BNC2: variants seen among roughly 807,000 people sequenced by gnomAD.
BNC2 encodes the protein zinc finger protein basonuclin-2.
In BNC2, 20 loss-of-function variants were observed where a neutral mutation model predicts 76.3. The ratio of observed to expected loss-of-function variants is 0.26; its 90% CI spans 0.18 to 0.38. BNC2 has a LOEUF of 0.38. Ranked by LOEUF, BNC2 falls within the 10% of genes least tolerant of loss-of-function variation. BNC2 has a pLI of 1.00. For synonymous variants in BNC2, 582 were observed against 514.8 expected, an observed-to-expected ratio of 1.13 and a Z score of -1.77; for missense variants, 1,382 against 1,399.8, an observed-to-expected ratio of 0.99 and a Z score of 0.20.
At chr9:16,558,332 C>T (rs952425132) in intron 4 of BNC2, among the ~76,000 whole-genome samples, 9 of 152,162 alleles carry the variant, frequency 5.9e-5, no homozygotes, top group African/African-American at 1.9e-4. Flanking sequence ...TAAATTTGTA[C>T]CTAATGAATA....
chr9:16,792,740 G>A (rs1817548027), intron 1 of BNC2, among the ~76,000 whole-genome samples: 1 of 152,190 alleles, frequency 6.6e-6, no homozygotes, highest in African/African-American at 2.4e-5. Flanking sequence ...AAGCTAGAGT[G>A]CTATAAAAAC....
intron 3 of BNC2, among the ~76,000 whole-genome samples, chr9:16,668,344 C>A (rs905013471): frequency 6.6e-6 from 1 of 152,140 alleles, no homozygotes; most frequent in Non-Finnish European, 1.5e-5. Context: ...ATTAAGTATC[C>A]TATGAAAAGA....
chr9:16,844,456 G>GGAGCAAGAGTA, intron 1 of BNC2, among the ~76,000 whole-genome samples: 1 of 150,598 alleles, frequency 6.6e-6, no homozygotes. Flanking sequence ...CTAGGGATGG[G>GGAGCAAGAGTA]GAGCAAGAGT....
At chr9:16,606,757 C>T (rs1196218630) in intron 3 of BNC2, among the ~76,000 whole-genome samples, 1 of 152,162 alleles carries the variant, frequency 6.6e-6, no homozygotes, top group East Asian at 1.9e-4. Context: ...GAGGTTTCGC[C>T]ACGTTGGCCA....
At chr9:16,790,183 G>C (rs934463007) in intron 1 of BNC2, among the ~76,000 whole-genome samples, 1 of 152,088 alleles carries the variant, frequency 6.6e-6, no homozygotes, top group Non-Finnish European at 1.5e-5. Flanking sequence ...ATTTTTAGTA[G>C]AGACAGGGTT....
At chr9:16,670,672 A>G (rs964875203) in intron 3 of BNC2, among the ~76,000 whole-genome samples, 1 of 152,204 alleles carries the variant, frequency 6.6e-6, no homozygotes, top group African/African-American at 2.4e-5. Flanking sequence ...TCCAAGAGGT[A>G]AGATAAAATT....
At chr9:16,599,496 G>C (rs965349318) in intron 3 of BNC2, among the ~76,000 whole-genome samples, 4 of 152,276 alleles carry the variant, frequency 2.6e-5, no homozygotes, top group South Asian at 2.1e-4. Context: ...GTAAAAAGCA[G>C]TTTGAGGCCA....
chr9:16,688,673 T>A (rs2134384767), intron 3 of BNC2, among the ~76,000 whole-genome samples: 1 of 152,290 alleles, frequency 6.6e-6, no homozygotes, highest in African/African-American at 2.4e-5. Flanking sequence ...GCTTTAAAAG[T>A]AATAAAATCA....
intron 3 of BNC2, among the ~76,000 whole-genome samples, chr9:16,616,088 A>G (rs1820688359): frequency 6.6e-6 from 1 of 152,218 alleles, no homozygotes. Flanking sequence ...TTCCATAACC[A>G]TATTGAAAAT....
chr9:16,510,774 T>C (rs1822736206), intron 5 of BNC2, among the ~76,000 whole-genome samples: 1 of 152,202 alleles, frequency 6.6e-6, no homozygotes, highest in Admixed American at 6.5e-5. Context: ...GATGAAATTC[T>C]CAGGTGATTC....
At chr9:16,666,147 G>T (rs1371631051) in intron 3 of BNC2, among the ~76,000 whole-genome samples, 1 of 152,166 alleles carries the variant, frequency 6.6e-6, no homozygotes, top group Non-Finnish European at 1.5e-5. Context: ...AGGAGATCAT[G>T]TGGGTTTTTT....
Position 16,419,271 on chromosome 9 carries a change from G to A in BNC2, c.3018C>T (p.Ala1006=), listed in dbSNP as rs754154261. 1.5e-5 allele frequency: 25 copies of A among 1,614,016 alleles called. No homozygotes were observed. In the African/African-American group the frequency reaches 2.0e-4, roughly 13 times the overall value. ...ASDSGESAHK[A]EAPALPGSLG... is the part of the protein sequence containing the mutation. ...GGCTGCCAGGGAGGGCAGGGGCCTC[G>A]GCCTTGTGTGCCGACTCCCCACTGT... The change falls in exon 7 of 7, where the codon GCC becomes GCT. Residue 1006 remains alanine (A), a synonymous_variant. Coordinates refer to ENST00000380672, the MANE Select transcript of BNC2 (RefSeq NM_017637.6).
intron 5 of BNC2, among the ~76,000 whole-genome samples, chr9:16,457,543 T>G (rs1025039899): frequency 2.0e-5 from 3 of 152,150 alleles, no homozygotes; most frequent in Non-Finnish European, 4.4e-5. Flanking sequence ...ATGTAATTTC[T>G]CCAGCATTAA....
chr9:16,852,233 A>G (rs1793487244), intron 1 of BNC2, among the ~76,000 whole-genome samples: 2 of 152,182 alleles, frequency 1.3e-5, no homozygotes, highest in South Asian at 4.1e-4. Context: ...CACACTATAA[A>G]ACACAAAAAT....
chr9:16,449,445 G>C (rs1003077655), intron 5 of BNC2, among the ~76,000 whole-genome samples: 1 of 152,080 alleles, frequency 6.6e-6, no homozygotes, highest in African/African-American at 2.4e-5. Flanking sequence ...GTAAACTACT[G>C]TTTGTGAGGT....
chr9:16,699,913 G>C (rs879594325), intron 3 of BNC2, among the ~76,000 whole-genome samples: 3 of 152,030 alleles, frequency 2.0e-5, no homozygotes, highest in East Asian at 3.8e-4. Context: ...TGTAATTTCT[G>C]GTTTATAAAG....
At chr9:16,563,655 G>A (rs1260859426) in intron 4 of BNC2, among the ~76,000 whole-genome samples, 1 of 152,124 alleles carries the variant, frequency 6.6e-6, no homozygotes, top group Non-Finnish European at 1.5e-5. Context: ...TGACAATGTG[G>A]TAACAAACCT....
chr9:16,688,293 T>G (rs1375381233), intron 3 of BNC2, among the ~76,000 whole-genome samples: 1 of 152,204 alleles, frequency 6.6e-6, no homozygotes, highest in Non-Finnish European at 1.5e-5. Flanking sequence ...GATAACCTAA[T>G]TAGTTGTAAT....
chr9:16,659,445 T>C (rs912240432), intron 3 of BNC2, among the ~76,000 whole-genome samples: 1 of 151,840 alleles, frequency 6.6e-6, no homozygotes, highest in African/African-American at 2.4e-5. Flanking sequence ...CCATCTCTAC[T>C]AAAAACACAA....
Sources: allele counts gnomAD v4.1 joint callset (sites outside exome capture counted in the v4.1 genomes callset), GRCh38; gene constraint gnomAD v4.1.1; transcripts MANE v1.5; gene names NCBI Gene and HGNC (gene_info 2026-07-23, HGNC 2026-07-21).